GTF2F2: variants seen among roughly 807,000 people sequenced by gnomAD.
GTF2F2 encodes general transcription factor IIF subunit 2.
In GTF2F2, 23 loss-of-function variants were observed where a neutral mutation model predicts 42.2. That is an observed-to-expected ratio of 0.55 (90% CI 0.39 to 0.77). The LOEUF (loss-of-function observed/expected upper bound fraction) is 0.77, where lower values mean the gene tolerates loss of function less well. Among genes scored for constraint, GTF2F2 ranks in the 30% least tolerant of loss-of-function variants. GTF2F2 has a pLI of 0.00. For synonymous variants in GTF2F2, 105 were observed against 100.8 expected, an observed-to-expected ratio of 1.04 and a Z score of -0.25; for missense variants, 261 against 287.2, an observed-to-expected ratio of 0.91 and a Z score of 0.66.
intron 7 of GTF2F2, among the ~76,000 whole-genome samples, chr13:45,272,125 C>G (rs959843762): frequency 6.7e-6 from 1 of 148,822 alleles, no homozygotes; most frequent in Non-Finnish European, 1.5e-5. Flanking sequence ...AAAAAAAAGA[C>G]AATTTCCCAA....
At chr13:45,194,698 C>T (rs1451708396) in intron 4 of GTF2F2, 8 of 807,448 alleles carry the variant, frequency 9.9e-6, no homozygotes, top group African/African-American at 5.2e-5. Flanking sequence ...GCATCGCCTG[C>T]GCTGTCAGCT....
At chr13:45,243,120 C>A (rs1875402387) in intron 5 of GTF2F2, among the ~76,000 whole-genome samples, 1 of 152,110 alleles carries the variant, frequency 6.6e-6, no homozygotes, top group Non-Finnish European at 1.5e-5. Flanking sequence ...GATTCCAGGA[C>A]TCCGTCACAT....
At chr13:45,267,815 T>C (rs892360492) in intron 7 of GTF2F2, among the ~76,000 whole-genome samples, 1 of 151,654 alleles carries the variant, frequency 6.6e-6, no homozygotes, top group African/African-American at 2.4e-5. Flanking sequence ...TGTGGATTTT[T>C]TTTTTTTTTT....
chr13:45,191,223 A>AT (rs1284134752), intron 4 of GTF2F2, among the ~76,000 whole-genome samples: 3,385 of 113,048 alleles, frequency 0.03, 98 homozygotes, highest in Admixed American at 0.055. Flanking sequence ...TACAAAAAAA[A>AT]AATATATATA....
At chr13:45,202,319 G>A (rs780949513) in intron 4 of GTF2F2, among the ~76,000 whole-genome samples, 61 of 152,126 alleles carry the variant, frequency 4.0e-4, no homozygotes, top group Admixed American at 1.0e-3. Context: ...CCCAGGAGGC[G>A]GAGGTTGCGG....
chr13:45,124,084 G>A, intron 1 of GTF2F2: 1 of 907,260 alleles, frequency 1.1e-6, no homozygotes, highest in Admixed American at 1.7e-5. Context: ...TGTCTTACCA[G>A]GAAATGAACT....
At chr13:45,261,814 T>A (rs557307509) in intron 6 of GTF2F2, among the ~76,000 whole-genome samples, 1 of 152,308 alleles carries the variant, frequency 6.6e-6, no homozygotes, top group Admixed American at 6.5e-5. Context: ...ATAGTTCATA[T>A]CATTGGTAGT....
intron 1 of GTF2F2, among the ~76,000 whole-genome samples, chr13:45,128,259 C>T (rs1869149856): frequency 6.8e-6 from 1 of 147,736 alleles, no homozygotes; most frequent in Non-Finnish European, 1.5e-5. Context: ...TGTGCCCGGC[C>T]TCCCCCCTGG....
rs1234536783 is a variant in GTF2F2 at position 45,171,880 on chromosome 13, TTA to T, written c.304+20050_304+20051del. Among the ~76,000 whole-genome samples the T allele has an allele frequency of 3.0e-3, 449 of 152,148 alleles. 2 individuals carry two copies. Among genetic ancestry groups the T allele is most frequent in the South Asian group, 4.4e-3 (21 of 4,826 alleles). On this transcript the variant is annotated intron_variant, in intron 4 of 7. Coordinates refer to ENST00000340473, the MANE Select transcript of GTF2F2 (RefSeq NM_004128.3). ...TCTTTTGTGACCTTTTTTTTTTTTT[TTA>T]CTTAGCATGATGTTTCCAGGGCTCA...
At chr13:45,255,738 A>G (rs1380631409) in intron 6 of GTF2F2, among the ~76,000 whole-genome samples, 1 of 152,034 alleles carries the variant, frequency 6.6e-6, no homozygotes, top group African/African-American at 2.4e-5. Context: ...TTTCTTCCTC[A>G]TTGGTGTGCT....
intron 7 of GTF2F2, among the ~76,000 whole-genome samples, chr13:45,277,466 A>G (rs1877085999): frequency 6.6e-6 from 1 of 152,188 alleles, no homozygotes; most frequent in Non-Finnish European, 1.5e-5. Context: ...ACCCAGAGGG[A>G]TGGTGCTAAT....
intron 4 of GTF2F2, among the ~76,000 whole-genome samples, chr13:45,183,524 C>T (rs1872264944): frequency 6.6e-6 from 1 of 152,124 alleles, no homozygotes; most frequent in East Asian, 1.9e-4. Context: ...CCAGAAGTCA[C>T]TTTGCTTACA....
chr13:45,262,044 G>A (rs1876363506), intron 6 of GTF2F2, among the ~76,000 whole-genome samples: 1 of 152,062 alleles, frequency 6.6e-6, no homozygotes, highest in Non-Finnish European at 1.5e-5. Context: ...AGCAGAATTT[G>A]GATTATGAGC....
chr13:45,160,746 GACA>G (rs1374588201), intron 4 of GTF2F2, among the ~76,000 whole-genome samples: 1 of 149,406 alleles, frequency 6.7e-6, no homozygotes, highest in East Asian at 1.9e-4. Context: ...TTTTATTAAT[GACA>G]ACAAATCCTG....
rs1408775255 is a variant in GTF2F2, at chr13:45,182,586, A to C, written c.305-24838A>C. Among the ~76,000 whole-genome samples, 4 of 152,100 alleles carry C rather than the reference A, an allele frequency of 2.6e-5. No homozygotes were observed. The East Asian group carries it at 7.7e-4, about 29-fold the overall frequency. ...GCAGTACAAGAGTTTACTATATCTC[A>C]AAAATCTGTGAAGTTGTTGCTTTGC... On this transcript the variant is annotated intron_variant, in intron 4 of 7. Coordinates refer to ENST00000340473, the MANE Select transcript of GTF2F2 (RefSeq NM_004128.3).
chr13:45,260,177 GTTAGTCTGCAGAACTAAGATTTGGGGT>G (rs1429237203), intron 6 of GTF2F2, among the ~76,000 whole-genome samples: 1 of 152,178 alleles, frequency 6.6e-6, no homozygotes, highest in Non-Finnish European at 1.5e-5. Context: ...AGCCGACTGT[GTTAGTCTGCAGAACTAAGATTTGGGGT>G]TTGAGTGGTT....
intron 4 of GTF2F2, among the ~76,000 whole-genome samples, chr13:45,195,057 A>G (rs1342867198): frequency 6.6e-6 from 1 of 152,214 alleles, no homozygotes; most frequent in African/African-American, 2.4e-5. Context: ...TAAGTAGGAA[A>G]CATAAGGTGA....
chr13:45,179,733 T>C (rs1344797052), intron 4 of GTF2F2, among the ~76,000 whole-genome samples: 3 of 152,186 alleles, frequency 2.0e-5, no homozygotes, highest in Non-Finnish European at 2.9e-5. Flanking sequence ...TATCTTGTGG[T>C]CTTTTTGATA....
intron 7 of GTF2F2, among the ~76,000 whole-genome samples, chr13:45,275,325 TA>T (rs1332395794): frequency 6.6e-6 from 1 of 152,010 alleles, no homozygotes; most frequent in East Asian, 1.9e-4. Flanking sequence ...TATTATTATT[TA>T]AGTTCTAGGG....
Sources: allele counts gnomAD v4.1 joint callset (sites outside exome capture counted in the v4.1 genomes callset), GRCh38; gene constraint gnomAD v4.1.1; transcripts MANE v1.5; gene names NCBI Gene and HGNC (gene_info 2026-07-23, HGNC 2026-07-21).